IL1RAPL2: variants seen among roughly 807,000 people sequenced by gnomAD.
IL1RAPL2 encodes interleukin 1 receptor accessory protein like 2, also known as X-linked interleukin-1 receptor accessory protein-like 2.
IL1RAPL2 carries 3 observed loss-of-function variants against 44.1 expected under a neutral mutation model. That is an observed-to-expected ratio of 0.07 (90% confidence interval 0.03 to 0.18). IL1RAPL2 has a LOEUF of 0.18. Ranked by LOEUF, IL1RAPL2 falls within the 10% of genes least tolerant of loss-of-function variation. The pLI is 1.00. For missense variants in IL1RAPL2, 391 were observed against 496.4 expected, an observed-to-expected ratio of 0.79 and a Z score of 2.02; for synonymous variants, 181 against 178.8, an observed-to-expected ratio of 1.01 and a Z score of -0.10.
rs1490999399 is a variant in IL1RAPL2, at chrX:104,707,164, T to C, written c.82+48169T>C. ...AGGGACTTTGGCAGATATCACCGAA[T>C]CTGTCAGATTTAACTGCTTGTAAAT... On this transcript the variant is annotated intron_variant, in intron 2 of 10. Coordinates refer to ENST00000372582, the MANE Select transcript of IL1RAPL2 (RefSeq NM_017416.2). Among the ~76,000 whole-genome samples the C allele has an allele frequency of 3.6e-5, 4 of 111,368 alleles. No homozygotes were observed. The Admixed American group carries it at 3.9e-4, about 11-fold the overall frequency.
chrX:105,178,628 T>G (rs908080744), intron 2 of IL1RAPL2, among the ~76,000 whole-genome samples: 2 of 111,935 alleles, frequency 1.8e-5, no homozygotes, highest in Admixed American at 1.9e-4. Context: ...TATAAGAGTT[T>G]CCTTTTCTCT....
intron 2 of IL1RAPL2, among the ~76,000 whole-genome samples, chrX:104,990,419 T>G (rs1376049807): frequency 2.3e-5 from 1 of 44,279 alleles, no homozygotes; most frequent in Non-Finnish European, 5.4e-5. Flanking sequence ...GAGGTGTATG[T>G]TTTTTTTTAA....
At chrX:105,517,790 C>T (rs184090990) in intron 6 of IL1RAPL2, among the ~76,000 whole-genome samples, 1 of 111,611 alleles carries the variant, frequency 9.0e-6, no homozygotes, top group East Asian at 2.8e-4. Flanking sequence ...GAGATAACAA[C>T]TGAAACCTTA....
At chrX:104,767,887 G>T (rs1259377255) in intron 2 of IL1RAPL2, among the ~76,000 whole-genome samples, 1 of 111,852 alleles carries the variant, frequency 8.9e-6, no homozygotes, top group Non-Finnish European at 1.9e-5. Context: ...TAAAGGACAG[G>T]AATCAGAAGC....
At chrX:105,736,255 A>C (rs934004027) in intron 7 of IL1RAPL2, among the ~76,000 whole-genome samples, 2 of 111,542 alleles carry the variant, frequency 1.8e-5, no homozygotes, top group African/African-American at 3.3e-5. Context: ...AAAACCAAAA[A>C]CTATAAAAAT....
At chrX:104,875,137 G>C in intron 2 of IL1RAPL2, among the ~76,000 whole-genome samples, 1 of 111,713 alleles carries the variant, frequency 9.0e-6, no homozygotes, top group East Asian at 2.8e-4. Flanking sequence ...CCAATTCTCA[G>C]CACCAACCTG....
intron 2 of IL1RAPL2, among the ~76,000 whole-genome samples, chrX:105,101,647 C>A (rs760177285): frequency 3.8e-5 from 4 of 104,068 alleles, no homozygotes; most frequent in African/African-American, 1.5e-4. Context: ...AGCATGAATG[C>A]ATGTTTCACT....
intron 2 of IL1RAPL2, among the ~76,000 whole-genome samples, chrX:105,172,808 G>A (rs1287948323): frequency 9.0e-6 from 1 of 110,926 alleles, no homozygotes; most frequent in East Asian, 2.8e-4. Context: ...GAGAATGGGG[G>A]CATTTGGGGG....
intron 2 of IL1RAPL2, among the ~76,000 whole-genome samples, chrX:104,670,821 A>G (rs1386133306): frequency 1.8e-5 from 2 of 111,355 alleles, no homozygotes; most frequent in African/African-American, 6.5e-5. Flanking sequence ...CCCATTTTCC[A>G]TAATACTTGC....
intron 2 of IL1RAPL2, among the ~76,000 whole-genome samples, chrX:104,985,441 T>G (rs1287091493): frequency 8.9e-6 from 1 of 111,839 alleles, no homozygotes; most frequent in Non-Finnish European, 1.9e-5. Context: ...GATGATCAAA[T>G]AGCAGAATCT....
At chrX:104,625,262 A>AT (rs1443962277) in intron 1 of IL1RAPL2, among the ~76,000 whole-genome samples, 2 of 111,086 alleles carry the variant, frequency 1.8e-5, no homozygotes, top group Non-Finnish European at 3.8e-5. Flanking sequence ...TATTTAAACA[A>AT]TTTCTTTTTC....
rs150031102 is a variant in IL1RAPL2, at chrX:104,570,847, C to A, written c.-20+3796C>A. ...GGCTTCTCTCTTGAGTTTCAAAATG[C>A]TTTTTAGCTGGTTTGCTTTATTCCT... On this transcript the variant is annotated intron_variant, in intron 1 of 10. Coordinates refer to ENST00000372582, the MANE Select transcript of IL1RAPL2 (RefSeq NM_017416.2). Among the ~76,000 whole-genome samples, 196 of 111,772 alleles carry A rather than the reference C, an allele frequency of 1.8e-3. 1 individual carries two copies. The highest frequency in any genetic ancestry group is 6.1e-3 in the African/African-American group (189 of 30,769).
At chrX:104,765,200 T>C (rs1045724392) in intron 2 of IL1RAPL2, among the ~76,000 whole-genome samples, 9 of 111,717 alleles carry the variant, frequency 8.1e-5, no homozygotes, top group African/African-American at 2.6e-4. Context: ...TTTGTTTTGT[T>C]TTTTACTGGG....
intron 2 of IL1RAPL2, among the ~76,000 whole-genome samples, chrX:104,677,712 A>G (rs1349122397): frequency 1.8e-5 from 2 of 111,603 alleles, no homozygotes; most frequent in South Asian, 3.9e-4. Flanking sequence ...GCCGCCTTGC[A>G]GTTTGATCTC....
chrX:105,635,398 G>GTTAGAATA (rs2037516277), intron 6 of IL1RAPL2, among the ~76,000 whole-genome samples: 1 of 112,001 alleles, frequency 8.9e-6, no homozygotes, highest in African/African-American at 3.2e-5. Flanking sequence ...AAACAAAGCA[G>GTTAGAATA]TTAGAATATT....
intron 2 of IL1RAPL2, among the ~76,000 whole-genome samples, chrX:104,677,411 G>C (rs1163845660): frequency 9.0e-6 from 1 of 111,230 alleles, no homozygotes; most frequent in Non-Finnish European, 1.9e-5. Flanking sequence ...GGGTGCTCAG[G>C]GTTCAGGGGT....
chrX:105,622,807 C>T (rs992062172), intron 6 of IL1RAPL2, among the ~76,000 whole-genome samples: 1 of 111,439 alleles, frequency 9.0e-6, no homozygotes, highest in African/African-American at 3.3e-5. Flanking sequence ...TAATCCTTTT[C>T]TACATGATGA....
chrX:104,797,185 G>GCCCCCC, intron 2 of IL1RAPL2, among the ~76,000 whole-genome samples: 1 of 23,895 alleles, frequency 4.2e-5, no homozygotes, highest in Non-Finnish European at 6.3e-5. Flanking sequence ...GATCTCTTCA[G>GCCCCCC]CCCCCCCCCC....
At chrX:104,658,144 G>A (rs965602138) in intron 1 of IL1RAPL2, among the ~76,000 whole-genome samples, 3 of 112,086 alleles carry the variant, frequency 2.7e-5, no homozygotes, top group Non-Finnish European at 5.6e-5. Flanking sequence ...TATAAATCAT[G>A]CTACTATAAA....
Sources: allele counts gnomAD v4.1 joint callset (sites outside exome capture counted in the v4.1 genomes callset), GRCh38; gene constraint gnomAD v4.1.1; transcripts MANE v1.5; gene names NCBI Gene and HGNC (gene_info 2026-07-23, HGNC 2026-07-21).